The following RASSF3 variants were observed in gnomAD, a reference collection of about 807,000 sequenced individuals.
RASSF3 encodes Ras association domain family member 3, also known as ras association domain-containing protein 3.
A neutral mutation model predicts 19.9 loss-of-function variants in RASSF3; 19 were observed. The observed-to-expected ratio is 0.96, with a 90% CI of 0.67 to 1.40. The LOEUF is 1.40. RASSF3 is among the 40% of genes most tolerant of loss of function. RASSF3 has a pLI of 0.00. For missense variants in RASSF3, 306 were observed against 289.8 expected (o/e 1.06, Z -0.41); for synonymous variants, 110 against 104.2 (o/e 1.06, Z -0.34).
chr12:64,523,454 A>T (rs1485090926), intron 1 of RASSF3, among the ~76,000 whole-genome samples: 3 of 152,070 alleles, frequency 2.0e-5, no homozygotes, highest in African/African-American at 7.2e-5. Context: ...CTTTGTACAG[A>T]CATTGCTTTG....
chr12:64,668,411 A>G (rs1312554588), intron 1 of RASSF3, among the ~76,000 whole-genome samples: 2 of 151,988 alleles, frequency 1.3e-5, no homozygotes, highest in East Asian at 3.9e-4. Flanking sequence ...CCAAGTAGCT[A>G]TAGGCACGTG....
At chr12:64,605,020 C>T (rs745836987) in intron 2 of RASSF3, among the ~76,000 whole-genome samples, 4 of 147,380 alleles carry the variant, frequency 2.7e-5, no homozygotes, top group South Asian at 2.2e-4. Flanking sequence ...GAGCCTTGCT[C>T]TGTTGCCCAG....
chr12:64,637,571 A>G (rs1336297852), intron 1 of RASSF3, among the ~76,000 whole-genome samples: 1 of 151,822 alleles, frequency 6.6e-6, no homozygotes. Flanking sequence ...CTGGGATGGC[A>G]GGCGTGTGCC....
chr12:64,599,468 T>A (rs1178084337), intron 2 of RASSF3, among the ~76,000 whole-genome samples: 1 of 152,228 alleles, frequency 6.6e-6, no homozygotes, highest in Non-Finnish European at 1.5e-5. Flanking sequence ...ATACAATCTC[T>A]GTCACACAAA....
intron 1 of RASSF3, among the ~76,000 whole-genome samples, chr12:64,673,869 CAG>C (rs1872786683): frequency 6.6e-6 from 1 of 151,722 alleles, no homozygotes; most frequent in Non-Finnish European, 1.5e-5. Flanking sequence ...CTGGGGCACT[CAG>C]AGGAGACTGG....
chr12:64,643,317 T>TA (rs201473359), intron 1 of RASSF3, among the ~76,000 whole-genome samples: 6,466 of 152,262 alleles, frequency 0.042, 177 homozygotes, highest in Middle Eastern at 0.1. Flanking sequence ...TTGTTACTGT[T>TA]AAAGTGTTAG....
intron 1 of RASSF3, among the ~76,000 whole-genome samples, chr12:64,648,620 C>T (rs1245351526): frequency 3.3e-5 from 5 of 151,344 alleles, no homozygotes; most frequent in Non-Finnish European, 7.4e-5. Context: ...GTAGCTGGGA[C>T]TACAGGCATG....
intron 1 of RASSF3, among the ~76,000 whole-genome samples, chr12:64,659,763 C>T (rs1420626269): frequency 1.3e-5 from 2 of 151,932 alleles, no homozygotes; most frequent in Admixed American, 6.6e-5. Context: ...TCCTGGCCAA[C>T]ATGGTGAAAC....
At chr12:64,524,503 A>T (rs1283823769) in intron 1 of RASSF3, among the ~76,000 whole-genome samples, 2 of 151,984 alleles carry the variant, frequency 1.3e-5, no homozygotes. Context: ...GTGGCTCCCT[A>T]CTGCCTACAG....
downstream of RASSF3, among the ~76,000 whole-genome samples, chr12:64,543,420 C>A (rs1163822081): frequency 3.3e-3 from 153 of 46,714 alleles, 3 homozygotes; most frequent in African/African-American, 8.7e-3. Flanking sequence ...TCCCGCCCCC[C>A]GGCTCCCCGC....
At chr12:64,611,052 G>C (rs1870340022) in intron 1 of RASSF3, among the ~76,000 whole-genome samples, 1 of 152,348 alleles carries the variant, frequency 6.6e-6, no homozygotes, top group South Asian at 2.1e-4. Flanking sequence ...GAGCCAGCAG[G>C]CGTCCCCGGG....
chr12:64,688,105 CAAGAG>C (rs1318929917), intron 2 of RASSF3, 106 bp from the exon 3 acceptor site: 1 of 797,038 alleles, frequency 1.3e-6, no homozygotes, highest in South Asian at 1.6e-5. Context: ...CCACAAACCT[CAAGAG>C]AAGAGAACAA....
chr12:64,556,830 A>AC (rs997331438), intron 2 of RASSF3, among the ~76,000 whole-genome samples: 5 of 118,590 alleles, frequency 4.2e-5, no homozygotes, highest in African/African-American at 1.3e-4. Context: ...CCTGCCCCCT[A>AC]CCCCTTTTTT....
Position 64,508,517 on chromosome 12 carries a change from CA to C in RASSF3, c.169+1198del, listed in dbSNP as rs59530945. ...GGGCAACAAGAGCTAAACTTCGTCTCAAAAAAAAAACAAAAAACAGAAGTGA... is the reference window on the plus strand; with the variant it reads ...GGGCAACAAGAGCTAAACTTCGTCTCAAAAAAAAACAAAAAACAGAAGTGA... On this transcript the variant is annotated intron_variant, in intron 1 of 5. Coordinates refer to the RASSF3 transcript ENST00000637125. Among the ~76,000 whole-genome samples, 354 of 144,452 alleles carry C rather than the reference CA, an allele frequency of 2.5e-3. 1 individual carries two copies. Among genetic ancestry groups the C allele is most frequent in the African/African-American group, 8.6e-3 (339 of 39,524 alleles). The allele number at this position is 144,452 out of a possible 152,430, so 94.8% of individuals were successfully genotyped here.
chr12:64,614,410 G>A (rs11175469), intron 1 of RASSF3, among the ~76,000 whole-genome samples: 10,472 of 152,070 alleles, frequency 0.069, 1,025 homozygotes, highest in African/African-American at 0.22. Context: ...TTACAGGCGT[G>A]AGCCACCGCA....
intron 1 of RASSF3, among the ~76,000 whole-genome samples, chr12:64,641,008 T>A (rs967895152): frequency 6.6e-6 from 1 of 152,122 alleles, no homozygotes; most frequent in Non-Finnish European, 1.5e-5. Flanking sequence ...ATATATACAT[T>A]GCATTTTTAA....
downstream of RASSF3, chr12:64,541,814 G>A (rs1013219104): frequency 2.3e-5 from 9 of 395,798 alleles, no homozygotes; most frequent in Admixed American, 4.4e-5. Context: ...ATCTTCAGAG[G>A]ATCGAGCTCA....
intron 2 of RASSF3, among the ~76,000 whole-genome samples, chr12:64,596,426 G>T (rs1204177105): frequency 1.3e-5 from 2 of 152,178 alleles, no homozygotes; most frequent in Admixed American, 6.5e-5. Flanking sequence ...GTGAAGAAAA[G>T]AGGTTTATTT....
chr12:64,594,578 T>C (rs764988281), intron 2 of RASSF3, among the ~76,000 whole-genome samples: 9 of 152,134 alleles, frequency 5.9e-5, no homozygotes, highest in Non-Finnish European at 1.2e-4. Flanking sequence ...CTTTTGATAC[T>C]CTTGCTATTT....
Sources: allele counts gnomAD v4.1 joint callset (sites outside exome capture counted in the v4.1 genomes callset), GRCh38; gene constraint gnomAD v4.1.1; transcripts MANE v1.5; gene names NCBI Gene and HGNC (gene_info 2026-07-23, HGNC 2026-07-21).